Variants in CCDC141 observed in about 807,000 individuals in gnomAD.
CCDC141 encodes coiled-coil domain containing 141, also known as coiled-coil domain-containing protein 141.
CCDC141 carries 168 observed loss-of-function variants against 181.0 expected under a neutral mutation model. The observed-to-expected ratio is 0.93, with a 90% CI of 0.82 to 1.05. The LOEUF is 1.05. CCDC141 is among the 50% of genes least tolerant of loss of function. The pLI, the probability that CCDC141 is intolerant of heterozygous loss-of-function variation, is 0.00. For synonymous variants in CCDC141, 666 were observed against 642.3 expected (o/e 1.04, Z -0.56); for missense variants, 1,902 against 1,788.5 (o/e 1.06, Z -1.14).
intron 6 of CCDC141, among the ~76,000 whole-genome samples, chr2:178,927,792 T>C (rs1688964707): frequency 6.6e-6 from 1 of 151,944 alleles, no homozygotes; most frequent in South Asian, 2.1e-4. Context: ...TAGAATAGGA[T>C]CCATTTCTCC....
At chr2:178,818,515 G>T in the CCDC141 span, among the ~76,000 whole-genome samples, 5 of 152,132 alleles carry the variant, frequency 3.3e-5, no homozygotes, top group Non-Finnish European at 7.4e-5. Context: ...ACTTATAAGT[G>T]AGAACATGTG....
intron 22 of CCDC141, among the ~76,000 whole-genome samples, chr2:178,844,033 G>A (rs567656582): frequency 6.6e-6 from 1 of 152,100 alleles, no homozygotes; most frequent in East Asian, 1.9e-4. Context: ...GGTAAATCTT[G>A]CTTTTTTTTA....
At chr2:179,039,707 A>C (rs1398941101) in intron 2 of CCDC141, among the ~76,000 whole-genome samples, 1 of 151,718 alleles carries the variant, frequency 6.6e-6, no homozygotes, top group Admixed American at 6.6e-5. Context: ...TTAAATATTA[A>C]GTATTATTGG....
intron 5 of CCDC141, among the ~76,000 whole-genome samples, chr2:178,955,790 GA>G (rs1244814918): frequency 6.6e-6 from 1 of 151,738 alleles, no homozygotes; most frequent in African/African-American, 2.4e-5. Context: ...ATCACAAGCA[GA>G]AAAAAAAGAT....
intron 3 of CCDC141, among the ~76,000 whole-genome samples, chr2:178,975,717 A>G (rs1307290364): frequency 6.6e-6 from 1 of 152,182 alleles, no homozygotes; most frequent in Non-Finnish European, 1.5e-5. Context: ...GTCTAATCCA[A>G]TATTTTATAC....
At chr2:178,886,517 A>C (rs1025286658) in intron 10 of CCDC141, among the ~76,000 whole-genome samples, 2 of 152,172 alleles carry the variant, frequency 1.3e-5, no homozygotes, top group African/African-American at 4.8e-5. Flanking sequence ...GAACCAAATG[A>C]GTGTTTAATA....
At position 179,023,568 on chromosome 2, in the gene CCDC141, G is replaced by A. The variant is rs2042747799; in HGVS notation, c.225+23716C>T. Reference sequence around the variant, plus strand: ...TCTCACTAGCAATCATGCAATAAAAGTCCACTGTGTTATGTTTATACATAT... The same window carrying A: ...TCTCACTAGCAATCATGCAATAAAAATCCACTGTGTTATGTTTATACATAT... On this transcript the variant is annotated intron_variant, in intron 2 of 23. Transcript: ENST00000443758. Among the ~76,000 whole-genome samples the A allele has an allele frequency of 2.6e-5, 4 of 152,102 alleles. No homozygotes were observed. The South Asian group carries it at 8.3e-4, about 32-fold the overall frequency.
chr2:179,045,117 C>T (rs1485008034), intron 2 of CCDC141, among the ~76,000 whole-genome samples: 2 of 150,370 alleles, frequency 1.3e-5, no homozygotes, highest in Non-Finnish European at 1.5e-5. Context: ...CCCACTAACT[C>T]GTCATCTAGC....
At chr2:178,973,097 T>A (rs1447342631) in intron 4 of CCDC141, among the ~76,000 whole-genome samples, 1 of 152,170 alleles carries the variant, frequency 6.6e-6, no homozygotes, top group Non-Finnish European at 1.5e-5. Flanking sequence ...GTAATAGATA[T>A]GAAGCACTCA....
At chr2:178,921,516 G>T (rs1453568433) in intron 6 of CCDC141, among the ~76,000 whole-genome samples, 1 of 152,112 alleles carries the variant, frequency 6.6e-6, no homozygotes, top group African/African-American at 2.4e-5. Context: ...CTTATGAGAT[G>T]AAACAAAGTA....
chr2:178,983,400 C>A (rs1434193388), intron 2 of CCDC141, among the ~76,000 whole-genome samples: 1 of 152,196 alleles, frequency 6.6e-6, no homozygotes, highest in Non-Finnish European at 1.5e-5. Flanking sequence ...CTCTAAAAAT[C>A]AGAGCACCTC....
intron 2 of CCDC141, among the ~76,000 whole-genome samples, chr2:178,984,027 G>A (rs890815458): frequency 3.0e-4 from 45 of 151,808 alleles, no homozygotes; most frequent in Non-Finnish European, 5.3e-4. Context: ...ATTCACCAAA[G>A]TTGAAACGAA....
At chr2:179,010,321 A>T (rs2042231672) in intron 2 of CCDC141, among the ~76,000 whole-genome samples, 2 of 152,184 alleles carry the variant, frequency 1.3e-5, no homozygotes, top group South Asian at 4.2e-4. Flanking sequence ...ATTCATTGCA[A>T]AAAGTATTCA....
intron 8 of CCDC141, among the ~76,000 whole-genome samples, chr2:178,905,081 C>G (rs145920578): frequency 2.3e-3 from 349 of 152,318 alleles, no homozygotes; most frequent in Admixed American, 4.4e-3. Flanking sequence ...TTCCCCTCCT[C>G]AGAAACGAGT....
chr2:178,846,806 C>T (rs1684957684), intron 21 of CCDC141, among the ~76,000 whole-genome samples: 1 of 152,162 alleles, frequency 6.6e-6, no homozygotes, highest in Non-Finnish European at 1.5e-5. Context: ...TTCTTTTCGT[C>T]TCAACATTAT....
intron 5 of CCDC141, among the ~76,000 whole-genome samples, chr2:178,958,539 C>T (rs1166231376): frequency 6.6e-6 from 1 of 152,180 alleles, no homozygotes; most frequent in Non-Finnish European, 1.5e-5. Flanking sequence ...AAATGAGACC[C>T]CGTAAGTTAG....
intron 5 of CCDC141, among the ~76,000 whole-genome samples, chr2:178,957,002 G>A (rs776801035): frequency 2.0e-5 from 3 of 151,956 alleles, no homozygotes; most frequent in Non-Finnish European, 4.4e-5. Flanking sequence ...TCAGCGTTCC[G>A]TGTAGCTGGC....
At chr2:178,839,266 A>C (rs1049518772) in intron 22 of CCDC141, among the ~76,000 whole-genome samples, 1 of 152,092 alleles carries the variant, frequency 6.6e-6, no homozygotes, top group African/African-American at 2.4e-5. Context: ...GCAAAAAATT[A>C]GCCAGGCGTG....
intron 8 of CCDC141, among the ~76,000 whole-genome samples, chr2:178,902,292 C>T (rs1312329433): frequency 2.0e-5 from 3 of 152,058 alleles, no homozygotes; most frequent in Non-Finnish European, 4.4e-5. Context: ...GAGCCTGCAT[C>T]GCCAAGTCAA....
Sources: allele counts gnomAD v4.1 joint callset (sites outside exome capture counted in the v4.1 genomes callset), GRCh38; gene constraint gnomAD v4.1.1; transcripts MANE v1.5; gene names NCBI Gene and HGNC (gene_info 2026-07-23, HGNC 2026-07-21).